Variants in SORCS1 observed in about 807,000 individuals in gnomAD.
SORCS1 encodes the protein VPS10 domain-containing receptor SorCS1.
SORCS1 carries 60 observed loss-of-function variants against 146.1 expected under a neutral mutation model. That is an observed-to-expected ratio of 0.41 (90% confidence interval 0.33 to 0.51). SORCS1 has a LOEUF of 0.51. SORCS1 is among the 20% of genes least tolerant of loss of function. The pLI, the probability that SORCS1 is intolerant of heterozygous loss-of-function variation, is 0.21. For synonymous variants in SORCS1, 637 were observed against 584.0 expected (o/e 1.09, Z -1.31); for missense variants, 1,352 against 1,487.6 (o/e 0.91, Z 1.50).
chr10:106,973,346 A>G (rs1955869202), intron 1 of SORCS1, among the ~76,000 whole-genome samples: 1 of 152,178 alleles, frequency 6.6e-6, no homozygotes, highest in Admixed American at 6.5e-5. Context: ...CTCACTTTAT[A>G]ATCCCTTAAT....
intron 18 of SORCS1, among the ~76,000 whole-genome samples, chr10:106,634,832 T>C (rs902079642): frequency 3.9e-5 from 6 of 152,326 alleles, no homozygotes; most frequent in Admixed American, 2.0e-4. Context: ...GTATAATTAA[T>C]TGAAAAATAC....
At chr10:106,925,970 C>A (rs1952994123) in intron 2 of SORCS1, among the ~76,000 whole-genome samples, 2 of 151,916 alleles carry the variant, frequency 1.3e-5, no homozygotes, top group East Asian at 3.9e-4. Flanking sequence ...TAGACTTTAT[C>A]AGAAATTTGA....
chr10:106,719,303 G>A (rs1306813415), intron 6 of SORCS1, among the ~76,000 whole-genome samples: 1 of 152,094 alleles, frequency 6.6e-6, no homozygotes, highest in Non-Finnish European at 1.5e-5. Context: ...GGGAGTGAGG[G>A]GAGAAGGTGT....
chr10:106,796,965 G>GC (rs1946595564), intron 3 of SORCS1, among the ~76,000 whole-genome samples: 1 of 152,114 alleles, frequency 6.6e-6, no homozygotes, highest in African/African-American at 2.4e-5. Context: ...AAGTTAGCCG[G>GC]GCGTGGTGGC....
intron 5 of SORCS1, among the ~76,000 whole-genome samples, chr10:106,743,842 G>A (rs1857525403): frequency 6.6e-6 from 1 of 152,122 alleles, no homozygotes; most frequent in Admixed American, 6.5e-5. Flanking sequence ...TAAAAAAAAG[G>A]AAACTAAAAC....
intron 1 of SORCS1, among the ~76,000 whole-genome samples, chr10:107,023,891 AAAAAG>A (rs1202732561): frequency 4.6e-5 from 7 of 152,212 alleles, no homozygotes; most frequent in Non-Finnish European, 7.3e-5. Context: ...AAAGAGAAAC[AAAAAG>A]AAAAGAAATA....
At position 106,867,089 on chromosome 10, in the gene SORCS1, C is replaced by T. The variant is rs143450413; in HGVS notation, c.627-37416G>A. On this transcript the variant is annotated intron_variant, in intron 2 of 25. Coordinates refer to ENST00000263054, the MANE Select transcript of SORCS1 (RefSeq NM_052918.5). ...GTCAAATTCAGGAAATACAGAGAAT[C>T]TCTGCAAGATTCTACACCAGAAGGT... 1.1e-4 allele frequency among the ~76,000 whole-genome samples: 17 copies of T among 152,152 alleles called. No homozygotes were observed. In the East Asian group the frequency reaches 1.7e-3, roughly 16 times the overall value.
intron 18 of SORCS1, among the ~76,000 whole-genome samples, chr10:106,640,326 C>T (rs1848993700): frequency 6.6e-6 from 1 of 152,182 alleles, no homozygotes; most frequent in African/African-American, 2.4e-5. Context: ...AATGAGGACA[C>T]AGTCCTCATG....
chr10:106,890,051 G>C (rs978177222), intron 2 of SORCS1, among the ~76,000 whole-genome samples: 1 of 152,064 alleles, frequency 6.6e-6, no homozygotes, highest in African/African-American at 2.4e-5. Flanking sequence ...TGGGGTTTTT[G>C]TAAAAATACA....
intron 22 of SORCS1, among the ~76,000 whole-genome samples, chr10:106,610,798 G>T (rs1015355974): frequency 6.6e-6 from 1 of 152,204 alleles, no homozygotes; most frequent in Non-Finnish European, 1.5e-5. Context: ...TAGAATAAGG[G>T]GCCGACGCAG....
At chr10:107,074,546 C>T (rs753632236) in intron 1 of SORCS1, among the ~76,000 whole-genome samples, 4 of 152,252 alleles carry the variant, frequency 2.6e-5, no homozygotes, top group Non-Finnish European at 5.9e-5. Flanking sequence ...TTTTCAACTC[C>T]TGTGGATAAA....
chr10:107,106,049 G>A (rs566481140), intron 1 of SORCS1, among the ~76,000 whole-genome samples: 10 of 152,318 alleles, frequency 6.6e-5, no homozygotes, highest in East Asian at 5.8e-4. Context: ...TTGGACTTCC[G>A]TGGACCTCCC....
At chr10:106,726,213 G>A (rs1411867089) in intron 6 of SORCS1, among the ~76,000 whole-genome samples, 2 of 39,426 alleles carry the variant, frequency 5.1e-5, no homozygotes, top group Non-Finnish European at 1.0e-4. Flanking sequence ...TTTTTACACT[G>A]TGACAGGTCA....
intron 8 of SORCS1, among the ~76,000 whole-genome samples, chr10:106,701,249 T>C (rs1468519335): frequency 1.3e-5 from 2 of 152,218 alleles, no homozygotes; most frequent in East Asian, 3.8e-4. Context: ...TATGGATTGA[T>C]GTTTTTTGAA....
chr10:106,623,023 G>A (rs999305540), intron 19 of SORCS1, among the ~76,000 whole-genome samples: 1 of 152,148 alleles, frequency 6.6e-6, no homozygotes, highest in African/African-American at 2.4e-5. Flanking sequence ...GTTCCAGCAA[G>A]CCATGTCCTG....
intron 23 of SORCS1, among the ~76,000 whole-genome samples, chr10:106,605,808 A>G (rs1846534512): frequency 6.6e-6 from 1 of 152,206 alleles, no homozygotes; most frequent in Non-Finnish European, 1.5e-5. Flanking sequence ...AGAAAATTAT[A>G]CAGGGGAGCC....
chr10:106,914,412 C>T (rs1952313222), intron 2 of SORCS1, among the ~76,000 whole-genome samples: 2 of 152,134 alleles, frequency 1.3e-5, no homozygotes, highest in South Asian at 4.1e-4. Flanking sequence ...AACACTGTCT[C>T]TTTTAACTAA....
intron 3 of SORCS1, among the ~76,000 whole-genome samples, chr10:106,779,851 C>A (rs1277895448): frequency 6.6e-6 from 1 of 152,090 alleles, no homozygotes; most frequent in Non-Finnish European, 1.5e-5. Context: ...ACACACATGA[C>A]TGTATAATGT....
intron 23 of SORCS1, among the ~76,000 whole-genome samples, chr10:106,599,683 T>G (rs1846121097): frequency 6.6e-6 from 1 of 152,074 alleles, no homozygotes; most frequent in African/African-American, 2.4e-5. Flanking sequence ...ATTTATCACA[T>G]GGACTAAAGG....
Sources: gnomAD v4.1 joint callset for allele counts (sites outside exome capture counted in the v4.1 genomes callset) on GRCh38, gnomAD v4.1.1 for gene constraint, MANE v1.5 for transcripts, NCBI Gene and HGNC (gene_info 2026-07-23, HGNC 2026-07-21) for gene names.